Variants in CLSTN2 observed in about 807,000 individuals in gnomAD.
CLSTN2 encodes calsyntenin 2, also known as calsyntenin-2.
A neutral mutation model predicts 101.2 loss-of-function variants in CLSTN2; 48 were observed. That is an observed-to-expected ratio of 0.47 (90% CI 0.38 to 0.60). The LOEUF (loss-of-function observed/expected upper bound fraction) is 0.60. CLSTN2 is among the 20% of genes least tolerant of loss of function. The pLI is 0.00. For missense variants in CLSTN2, 1,160 were observed against 1,238.2 expected (o/e 0.94, Z 0.95); for synonymous variants, 481 against 463.6 (o/e 1.04, Z -0.48).
At chr3:140,304,365 T>C (rs1220164467) in intron 2 of CLSTN2, among the ~76,000 whole-genome samples, 1 of 152,212 alleles carries the variant, frequency 6.6e-6, no homozygotes, top group African/African-American at 2.4e-5. Context: ...TTTCTCACAG[T>C]TGTAGCTGCT....
chr3:140,218,715 G>A (rs555924119), intron 2 of CLSTN2, among the ~76,000 whole-genome samples: 1 of 152,340 alleles, frequency 6.6e-6, no homozygotes, highest in East Asian at 1.9e-4. Context: ...TTTCAAGATA[G>A]ATGGCAGCTT....
At chr3:140,416,089 G>C (rs1437905936) in intron 4 of CLSTN2, among the ~76,000 whole-genome samples, 1 of 152,192 alleles carries the variant, frequency 6.6e-6, no homozygotes, top group Non-Finnish European at 1.5e-5. Flanking sequence ...GTTATGCTAA[G>C]TGAAATATCC....
chr3:140,537,558 TTC>T (rs1184799445), intron 9 of CLSTN2, among the ~76,000 whole-genome samples: 3 of 152,146 alleles, frequency 2.0e-5, no homozygotes, highest in Non-Finnish European at 4.4e-5. Context: ...TTGCTATCAT[TTC>T]TGTGTCCAGG....
chr3:140,253,080 G>T (rs2107877121), intron 2 of CLSTN2, among the ~76,000 whole-genome samples: 1 of 152,274 alleles, frequency 6.6e-6, no homozygotes. Context: ...CGATCACTGG[G>T]ATCAATCTGG....
chr3:139,971,584 C>T (rs568905262), intron 1 of CLSTN2, among the ~76,000 whole-genome samples: 1 of 152,252 alleles, frequency 6.6e-6, no homozygotes, highest in South Asian at 2.1e-4. Flanking sequence ...GTTCCCCAAG[C>T]AGGAACAGTT....
At chr3:140,100,762 G>A (rs988091227) in intron 1 of CLSTN2, among the ~76,000 whole-genome samples, 9 of 152,214 alleles carry the variant, frequency 5.9e-5, no homozygotes, top group Non-Finnish European at 1.2e-4. Flanking sequence ...CTAACACGCC[G>A]GGAGACGCAT....
At chr3:140,029,929 C>T (rs897307071) in intron 1 of CLSTN2, among the ~76,000 whole-genome samples, 1 of 152,124 alleles carries the variant, frequency 6.6e-6, no homozygotes, top group African/African-American at 2.4e-5. Flanking sequence ...GCAGAAGATG[C>T]CCTATAGAGG....
chr3:140,464,499 A>G (rs1395045256), intron 7 of CLSTN2, among the ~76,000 whole-genome samples: 1 of 152,236 alleles, frequency 6.6e-6, no homozygotes, highest in African/African-American at 2.4e-5. Context: ...AGCAAATCAC[A>G]TCACCAACAC....
chr3:140,052,155 A>ATTAT (rs1553794266), intron 1 of CLSTN2, among the ~76,000 whole-genome samples: 4 of 151,904 alleles, frequency 2.6e-5, no homozygotes, highest in Non-Finnish European at 5.9e-5. Context: ...TATTTCTGTT[A>ATTAT]TTATTTATTT....
At chr3:140,276,226 C>T (rs2086794005) in intron 2 of CLSTN2, among the ~76,000 whole-genome samples, 1 of 152,150 alleles carries the variant, frequency 6.6e-6, no homozygotes, top group Non-Finnish European at 1.5e-5. Flanking sequence ...GAGAACCAGC[C>T]AACTGACAAC....
At chr3:140,545,003 A>G (rs1351454854) in intron 9 of CLSTN2, among the ~76,000 whole-genome samples, 2 of 152,210 alleles carry the variant, frequency 1.3e-5, no homozygotes, top group Admixed American at 6.5e-5. Context: ...ATTTCAACAG[A>G]AAAACCTTTC....
chr3:140,345,245 C>CTTTTTTTTTTTTTTTTT (rs569774722), intron 2 of CLSTN2, among the ~76,000 whole-genome samples: 1 of 135,992 alleles, frequency 7.4e-6, no homozygotes, highest in African/African-American at 2.7e-5. Context: ...TGGATATAGC[C>CTTTTTTTTTTTTTTTTT]TTTTTTTCTT....
intron 8 of CLSTN2, among the ~76,000 whole-genome samples, chr3:140,519,604 T>C (rs28871690): frequency 0.12 from 18,040 of 152,172 alleles, 1,173 homozygotes; most frequent in African/African-American, 0.15. Context: ...TCTTTTTTTT[T>C]CTTTATTGGT....
At chr3:140,556,702 A>C in intron 11 of CLSTN2, 41 bp downstream of exon 11, 1 of 1,601,784 alleles carries the variant, frequency 6.2e-7, no homozygotes, top group Non-Finnish European at 8.5e-7. Flanking sequence ...CTGAGGCAGC[A>C]GTTGGGAAGG....
At chr3:140,131,860 G>A (rs2009527388) in intron 1 of CLSTN2, among the ~76,000 whole-genome samples, 1 of 152,092 alleles carries the variant, frequency 6.6e-6, no homozygotes, top group Non-Finnish European at 1.5e-5. Flanking sequence ...AGCACCGAGA[G>A]CGGGCTAAAA....
chr3:140,290,432 A>T (rs941803854), intron 2 of CLSTN2, among the ~76,000 whole-genome samples: 1 of 152,270 alleles, frequency 6.6e-6, no homozygotes, highest in East Asian at 1.9e-4. Flanking sequence ...ATTGATGTGG[A>T]CTTTGGAAGA....
intron 1 of CLSTN2, among the ~76,000 whole-genome samples, chr3:140,159,989 A>G (rs1339361540): frequency 6.6e-6 from 1 of 152,102 alleles, no homozygotes; most frequent in East Asian, 1.9e-4. Flanking sequence ...CAGAAACAAT[A>G]GATACTATGG....
At chr3:140,459,063 C>A (rs1370232973) in intron 6 of CLSTN2, among the ~76,000 whole-genome samples, 2 of 152,176 alleles carry the variant, frequency 1.3e-5, no homozygotes, top group Non-Finnish European at 2.9e-5. Context: ...TGGCTCTGAA[C>A]TGTGTCTGAC....
At chr3:140,514,733 A>G (rs1003712515) in intron 8 of CLSTN2, among the ~76,000 whole-genome samples, 2 of 152,128 alleles carry the variant, frequency 1.3e-5, no homozygotes, top group African/African-American at 4.8e-5. Context: ...TGTACTACTT[A>G]ATATTCCCAC....
Sources: gnomAD v4.1 joint callset for allele counts (sites outside exome capture counted in the v4.1 genomes callset) on GRCh38, gnomAD v4.1.1 for gene constraint, MANE v1.5 for transcripts, NCBI Gene and HGNC (gene_info 2026-07-23, HGNC 2026-07-21) for gene names.